The following NRXN1 variants were observed in gnomAD, a reference collection of about 807,000 sequenced individuals.
NRXN1 encodes the protein neurexin-1.
A neutral mutation model predicts 150.9 loss-of-function variants in NRXN1; 39 were observed. That is an observed-to-expected ratio of 0.26 (90% confidence interval 0.20 to 0.34). The LOEUF (loss-of-function observed/expected upper bound fraction) is 0.34. Ranked by LOEUF, NRXN1 falls within the 10% of genes least tolerant of loss-of-function variation. The probability of loss-of-function intolerance (pLI) is 1.00; values close to 1 mark genes in which losing one functional copy is unlikely to be tolerated. For missense variants in NRXN1, 1,815 were observed against 1,949.9 expected (o/e 0.93, Z 1.30); for synonymous variants, 924 against 757.0 (o/e 1.22, Z -3.62).
chr2:50,601,921 A>C lies in NRXN1; in HGVS notation c.1320+18101T>G, dbSNP rs1312819920. ...AGAACTGTCACGTATTTGATCTGCA[A>C]TGTTCACCGGTTACATGGAGCTAAG... On this transcript the variant is annotated intron_variant, in intron 8 of 22. Transcript: ENST00000401669. 2.0e-5 allele frequency among the ~76,000 whole-genome samples: 3 copies of C among 152,310 alleles called. No individual in the cohort carries two copies. The East Asian group carries it at 5.8e-4, about 29-fold the overall frequency.
At position 50,224,508 on chromosome 2, in the gene NRXN1, G is replaced by A. The variant is rs1309825750; in HGVS notation, c.3546+12281C>T. Among the ~76,000 whole-genome samples the A allele has an allele frequency of 3.3e-5, 5 of 151,902 alleles. No individual in the cohort carries two copies. The Admixed American group carries it at 3.3e-4, about 10-fold the overall frequency. On this transcript the variant is annotated intron_variant, in intron 18 of 22. Coordinates refer to ENST00000401669, the MANE Select transcript of NRXN1 (RefSeq NM_001330078.2). ...CTAAGCCAAATAATAGGGTAAGCATGATTTCAGAGGGGGAATTTAACCCTA... is the reference window on the plus strand; with the variant it reads ...CTAAGCCAAATAATAGGGTAAGCATAATTTCAGAGGGGGAATTTAACCCTA...
chr2:50,981,457 CAAAAAAAAAA>C (rs70958635), intron 2 of NRXN1, among the ~76,000 whole-genome samples: 3 of 23,268 alleles, frequency 1.3e-4, no homozygotes, highest in Middle Eastern at 0.038. Context: ...AACTCTATCT[CAAAAAAAAAA>C]AAAAAAAAAA....
chr2:49,948,759 T>C (rs1327448402), intron 21 of NRXN1, among the ~76,000 whole-genome samples: 1 of 152,018 alleles, frequency 6.6e-6, no homozygotes, highest in Non-Finnish European at 1.5e-5. Flanking sequence ...ATATGTCACA[T>C]TAATCAATTC....
chr2:50,861,226 T>A (rs1031945894), intron 5 of NRXN1, among the ~76,000 whole-genome samples: 1 of 151,970 alleles, frequency 6.6e-6, no homozygotes, highest in African/African-American at 2.4e-5. Flanking sequence ...GCAGATCTTA[T>A]TATTTTGAGA....
At chr2:51,002,456 C>T (rs1700192262) in intron 2 of NRXN1, among the ~76,000 whole-genome samples, 2 of 151,904 alleles carry the variant, frequency 1.3e-5, no homozygotes, top group South Asian at 4.1e-4. Flanking sequence ...TGTACCATTG[C>T]TTCTGTGTTC....
chr2:50,365,175 G>C (rs1320413934), intron 17 of NRXN1, among the ~76,000 whole-genome samples: 1 of 151,832 alleles, frequency 6.6e-6, no homozygotes, highest in African/African-American at 2.4e-5. Flanking sequence ...ACTTTTGCTA[G>C]CATTAGAAAA....
At chr2:50,798,193 T>C (rs564785968) in intron 5 of NRXN1, among the ~76,000 whole-genome samples, 2 of 152,102 alleles carry the variant, frequency 1.3e-5, no homozygotes, top group South Asian at 2.1e-4. Context: ...GAAACTCCAA[T>C]AGCAGTAAAA....
chr2:50,785,633 G>C (rs1201261244), intron 5 of NRXN1, among the ~76,000 whole-genome samples: 1 of 152,088 alleles, frequency 6.6e-6, no homozygotes, highest in Non-Finnish European at 1.5e-5. Context: ...TTTGTTGATA[G>C]AAGTAAACCC....
intron 18 of NRXN1, among the ~76,000 whole-genome samples, chr2:50,107,815 A>G (rs1320342497): frequency 2.6e-5 from 4 of 151,896 alleles, no homozygotes; most frequent in Non-Finnish European, 4.4e-5. Context: ...TATGTTCCCA[A>G]TTTAGTCTTT....
intron 5 of NRXN1, among the ~76,000 whole-genome samples, chr2:50,756,485 C>G (rs1288743889): frequency 6.6e-6 from 1 of 151,710 alleles, no homozygotes; most frequent in Non-Finnish European, 1.5e-5. Flanking sequence ...TTAAGAGATG[C>G]TTATCAAGAA....
intron 19 of NRXN1, among the ~76,000 whole-genome samples, chr2:50,088,184 C>T (rs975246085): frequency 3.3e-5 from 5 of 152,070 alleles, no homozygotes; most frequent in Non-Finnish European, 5.9e-5. Flanking sequence ...TTACAATCAC[C>T]GTGTCACAAA....
At chr2:50,891,157 TTTA>T (rs1680999016) in intron 5 of NRXN1, among the ~76,000 whole-genome samples, 2 of 152,004 alleles carry the variant, frequency 1.3e-5, no homozygotes. Context: ...ATACTAGTGA[TTTA>T]TTGAAAGATC....
At chr2:50,829,513 C>G in intron 5 of NRXN1, 1 of 1,605,900 alleles carries the variant, frequency 6.2e-7, no homozygotes, top group South Asian at 1.1e-5. Context: ...AAAAACAGCA[C>G]AGTGGCAAGT....
chr2:50,229,431 CTTTG>C (rs1227147511), intron 18 of NRXN1, among the ~76,000 whole-genome samples: 1 of 151,806 alleles, frequency 6.6e-6, no homozygotes, highest in Non-Finnish European at 1.5e-5. Flanking sequence ...CAAGCAATGT[CTTTG>C]TTTCTTTTTT....
At chr2:49,978,615 T>C (rs1431329022) in intron 21 of NRXN1, among the ~76,000 whole-genome samples, 1 of 151,284 alleles carries the variant, frequency 6.6e-6, no homozygotes, top group Non-Finnish European at 1.5e-5. Context: ...CTAATGCCTT[T>C]GTTGCAAAGG....
chr2:50,249,071 C>A (rs140336855), intron 17 of NRXN1, among the ~76,000 whole-genome samples: 101 of 147,734 alleles, frequency 6.8e-4, no homozygotes, highest in African/African-American at 2.3e-3. Flanking sequence ...GTTGGAGGAT[C>A]ACTTGAGCCC....
chr2:50,142,259 C>G (rs1352556902), intron 18 of NRXN1, among the ~76,000 whole-genome samples: 1 of 151,664 alleles, frequency 6.6e-6, no homozygotes, highest in Non-Finnish European at 1.5e-5. Context: ...AAAAGTTGAT[C>G]TTATGGAGGT....
intron 18 of NRXN1, among the ~76,000 whole-genome samples, chr2:50,114,885 A>G (rs1288561061): frequency 1.3e-5 from 2 of 152,032 alleles, no homozygotes; most frequent in Non-Finnish European, 2.9e-5. Flanking sequence ...TAGGTAGAGT[A>G]CAGAGGATTT....
At chr2:50,069,368 T>A (rs530234355) in intron 19 of NRXN1, among the ~76,000 whole-genome samples, 4 of 152,154 alleles carry the variant, frequency 2.6e-5, no homozygotes, top group African/African-American at 9.7e-5. Context: ...TAATGGCCCA[T>A]GGTCCCAGGT....
Sources: allele counts gnomAD v4.1 joint callset (sites outside exome capture counted in the v4.1 genomes callset), GRCh38; gene constraint gnomAD v4.1.1; transcripts MANE v1.5; gene names NCBI Gene and HGNC (gene_info 2026-07-23, HGNC 2026-07-21).